The following UIMC1 variants were observed in gnomAD, a reference collection of about 807,000 sequenced individuals.
The protein encoded by UIMC1 is ubiquitin interaction motif containing 1.
In UIMC1, 42 loss-of-function variants were observed where a neutral mutation model predicts 84.9. The observed-to-expected ratio is 0.49, with a 90% CI of 0.39 to 0.64. The LOEUF is 0.64. Among genes scored for constraint, UIMC1 ranks in the 30% least tolerant of loss-of-function variants. The probability of loss-of-function intolerance (pLI) is 0.00; values close to 1 mark genes in which losing one functional copy is unlikely to be tolerated. For synonymous variants in UIMC1, 281 were observed against 293.0 expected (o/e 0.96, Z 0.42); for missense variants, 825 against 847.6 (o/e 0.97, Z 0.33).
chr5:176,911,091 A>T (rs1223232718), intron 11 of UIMC1, among the ~76,000 whole-genome samples: 2 of 141,442 alleles, frequency 1.4e-5, no homozygotes, highest in African/African-American at 2.5e-5. Context: ...CTTCATCTCA[A>T]AAAAAAAAAA....
intron 10 of UIMC1, among the ~76,000 whole-genome samples, chr5:176,931,767 A>C (rs1259401264): frequency 6.6e-6 from 1 of 152,152 alleles, no homozygotes; most frequent in Non-Finnish European, 1.5e-5. Context: ...CAGATGGATC[A>C]CGAAGTCAGG....
At chr5:177,019,593 G>C (rs1325735592) in intron 1 of UIMC1, among the ~76,000 whole-genome samples, 2 of 148,122 alleles carry the variant, frequency 1.4e-5, no homozygotes, top group Non-Finnish European at 3.0e-5. Flanking sequence ...AGTGAGCTAT[G>C]ATCATACCAC....
intron 1 of UIMC1, among the ~76,000 whole-genome samples, chr5:176,999,753 A>C (rs184898974): frequency 1.2e-4 from 19 of 152,336 alleles, no homozygotes; most frequent in Middle Eastern, 3.4e-3. Flanking sequence ...TTATGGCTGA[A>C]TAGTACTCCA....
intron 10 of UIMC1, among the ~76,000 whole-genome samples, chr5:176,940,488 T>A (rs531704242): frequency 4.6e-5 from 7 of 152,176 alleles, no homozygotes; most frequent in African/African-American, 1.7e-4. Context: ...CAATACCAGC[T>A]GTGTAAGTGC....
At chr5:176,967,837 A>T (rs1768535472) in intron 6 of UIMC1, among the ~76,000 whole-genome samples, 2 of 151,372 alleles carry the variant, frequency 1.3e-5, no homozygotes, top group African/African-American at 4.9e-5. Context: ...CCAGAGGTGG[A>T]GGCTGCAGGG....
At chr5:176,919,275 T>TTA (rs2149403400) in intron 10 of UIMC1, 1 of 250,298 alleles carries the variant, frequency 4.0e-6, no homozygotes, top group East Asian at 1.6e-4. Context: ...AGAGAGTTCT[T>TTA]TATATATTCT....
At chr5:176,979,334 A>C (rs1770653532) in intron 2 of UIMC1, among the ~76,000 whole-genome samples, 1 of 152,188 alleles carries the variant, frequency 6.6e-6, no homozygotes, top group Non-Finnish European at 1.5e-5. Flanking sequence ...AAAGGTGGAA[A>C]AGAGCTGGGT....
chr5:177,013,195 T>G (rs755333697), intron 1 of UIMC1, among the ~76,000 whole-genome samples: 2 of 152,082 alleles, frequency 1.3e-5, no homozygotes, highest in South Asian at 4.2e-4. Context: ...CACATGGCTC[T>G]ACTAAAAATA....
At position 176,960,641 on chromosome 5, in the gene UIMC1, CTCCGT is replaced by C. The variant is rs1405295482; in HGVS notation, c.1201-2492_1201-2488del. Among the ~76,000 whole-genome samples, 3 of 28,818 alleles carry C rather than the reference CTCCGT, an allele frequency of 1.0e-4. 1 individual carries two copies. The East Asian group carries it at 2.5e-3, about 24-fold the overall frequency. The allele number at this position is 28,818 out of a possible 152,430, so 18.9% of individuals were successfully genotyped here. A position where few individuals can be genotyped will look rare whatever the true frequency, so the allele number is the denominator to read the frequency against. ...CCTCCCCCTCCCCCTCCGTCTCCGT[CTCCGT>C]CTCCGTCTCCGTCTCCGTCTCCCCA... is the stretch of plus-strand genomic sequence containing the variant. On this transcript the variant is annotated intron_variant, in intron 6 of 14. Coordinates refer to ENST00000511320, the MANE Select transcript of UIMC1 (RefSeq NM_001199298.2).
At chr5:176,986,898 T>A (rs944236645) in intron 1 of UIMC1, among the ~76,000 whole-genome samples, 2 of 151,074 alleles carry the variant, frequency 1.3e-5, no homozygotes, top group African/African-American at 2.4e-5. Flanking sequence ...GACCTGTGTT[T>A]AAAAAAAAAC....
At chr5:176,943,615 G>A in intron 9 of UIMC1, 127 bp from the exon 10 acceptor site, 1 of 1,211,382 alleles carries the variant, frequency 8.3e-7, no homozygotes, top group Admixed American at 2.3e-5. Context: ...ATCAAATTCA[G>A]GAGTAAAGAT....
intron 1 of UIMC1, among the ~76,000 whole-genome samples, chr5:177,000,176 T>C (rs147410108): frequency 1.3e-5 from 2 of 152,288 alleles, no homozygotes; most frequent in East Asian, 1.9e-4. Flanking sequence ...GCCAGGATGG[T>C]CTCAATCTGA....
At chr5:176,992,891 C>T (rs1031179185) in intron 1 of UIMC1, among the ~76,000 whole-genome samples, 2 of 151,994 alleles carry the variant, frequency 1.3e-5, no homozygotes, top group East Asian at 1.9e-4. Flanking sequence ...CCAGAATATA[C>T]AAACAATTAT....
intron 6 of UIMC1, among the ~76,000 whole-genome samples, chr5:176,965,399 G>A (rs941303904): frequency 3.3e-5 from 5 of 150,314 alleles, no homozygotes; most frequent in Non-Finnish European, 5.9e-5. Context: ...TCCAGCCTGC[G>A]CAACACAGAG....
chr5:176,956,468 T>C (rs1766612392), intron 7 of UIMC1, among the ~76,000 whole-genome samples: 1 of 152,232 alleles, frequency 6.6e-6, no homozygotes, highest in Non-Finnish European at 1.5e-5. Context: ...TCTCCTCCTT[T>C]TGCAGTTAAA....
intron 11 of UIMC1, among the ~76,000 whole-genome samples, chr5:176,911,100 A>G (rs1392178288): frequency 1.4e-5 from 2 of 144,200 alleles, no homozygotes; most frequent in Non-Finnish European, 3.0e-5. Flanking sequence ...AAAAAAAAAA[A>G]AGAGAGAGAG....
intron 1 of UIMC1, among the ~76,000 whole-genome samples, chr5:177,000,498 CTT>C (rs966855813): frequency 7.9e-5 from 9 of 113,340 alleles, no homozygotes; most frequent in Admixed American, 8.9e-5. Context: ...ACTTGCATGT[CTT>C]TTTTTTTTTT....
intron 10 of UIMC1, among the ~76,000 whole-genome samples, chr5:176,913,408 T>C (rs187108508): frequency 6.6e-6 from 1 of 152,346 alleles, no homozygotes; most frequent in East Asian, 1.9e-4. Context: ...TTCCTATACT[T>C]ATGTTTTACC....
At chr5:176,925,326 A>G (rs1164684914) in intron 10 of UIMC1, among the ~76,000 whole-genome samples, 2 of 152,244 alleles carry the variant, frequency 1.3e-5, no homozygotes, top group African/African-American at 4.8e-5. Flanking sequence ...TTAAGGGGAT[A>G]AAACAGTATC....
Sources: allele counts gnomAD v4.1 joint callset (sites outside exome capture counted in the v4.1 genomes callset), GRCh38; gene constraint gnomAD v4.1.1; transcripts MANE v1.5; gene names NCBI Gene and HGNC (gene_info 2026-07-23, HGNC 2026-07-21).